The following AXDND1 variants were observed in gnomAD, a reference collection of about 807,000 sequenced individuals.
The protein encoded by AXDND1 is axonemal dynein light chain domain-containing protein 1.
AXDND1 carries 110 observed loss-of-function variants against 137.5 expected under a neutral mutation model. That is an observed-to-expected ratio of 0.80 (90% CI 0.69 to 0.94). The LOEUF (loss-of-function observed/expected upper bound fraction) is 0.94, where lower values mean the gene tolerates loss of function less well. Among genes scored for constraint, AXDND1 ranks in the 40% least tolerant of loss-of-function variants. The pLI, the probability that AXDND1 is intolerant of heterozygous loss-of-function variation, is 0.00. For synonymous variants in AXDND1, 414 were observed against 399.7 expected (o/e 1.04, Z -0.43); for missense variants, 1,191 against 1,169.8 (o/e 1.02, Z -0.26).
intron 15 of AXDND1, among the ~76,000 whole-genome samples, chr1:179,434,223 C>G (rs950277431): frequency 6.6e-6 from 1 of 151,624 alleles, no homozygotes; most frequent in African/African-American, 2.4e-5. Flanking sequence ...ACCTACCAAC[C>G]AAAAAAAGCC....
chr1:179,447,643 A>G, intron 16 of AXDND1: 1 of 1,306,542 alleles, frequency 7.7e-7, no homozygotes, highest in Non-Finnish European at 1.1e-6. Context: ...GACAACTCGA[A>G]GATCTGGTTT....
chr1:179,423,889 G>A (rs1428390273), intron 12 of AXDND1, among the ~76,000 whole-genome samples: 17 of 152,080 alleles, frequency 1.1e-4, no homozygotes. Context: ...ACACACTACA[G>A]TTACAGTATT....
intron 23 of AXDND1, among the ~76,000 whole-genome samples, chr1:179,531,583 G>A (rs1671039993): frequency 6.6e-6 from 1 of 152,076 alleles, no homozygotes; most frequent in Non-Finnish European, 1.5e-5. Flanking sequence ...GGGCCTAATT[G>A]TGCTATTCTA....
chr1:179,372,393 A>G (rs1289819071), intron 4 of AXDND1, among the ~76,000 whole-genome samples: 1 of 152,224 alleles, frequency 6.6e-6, no homozygotes, highest in African/African-American at 2.4e-5. Context: ...ACAGGGTGAC[A>G]TTGACATCTT....
chr1:179,367,654 T>G lies in AXDND1; in HGVS notation c.97+1048T>G, dbSNP rs543532260. Reference sequence around the variant, plus strand: ...CGGCAGGCTGAGGCAGGAGAATCACTTGAACCCGGGAGGCAGAGGTTGCAG... The same window carrying G: ...CGGCAGGCTGAGGCAGGAGAATCACGTGAACCCGGGAGGCAGAGGTTGCAG... On this transcript the variant is annotated intron_variant, in intron 2 of 25. Transcript: ENST00000367618. Among the ~76,000 whole-genome samples the G allele has an allele frequency of 2.5e-4, 38 of 152,238 alleles. 1 individual carries two copies. Among genetic ancestry groups the G allele is most frequent in the Admixed American group, 1.8e-3 (28 of 15,296 alleles).
chr1:179,369,881 A>G, intron 3 of AXDND1, 94 bp from the exon 4 acceptor site: 1 of 868,022 alleles, frequency 1.2e-6, no homozygotes. Flanking sequence ...AAGTGCCCTT[A>G]ATGTAAATAC....
At chr1:179,429,650 A>G in intron 13 of AXDND1, 31 bp downstream of exon 13, 4 of 1,358,336 alleles carry the variant, frequency 2.9e-6, no homozygotes, top group Non-Finnish European at 4.0e-6. Flanking sequence ...GTTATGGGAA[A>G]AAAAGATGCC....
Position 179,430,562 on chromosome 1 carries a change from G to A in AXDND1, c.1443G>A (p.Leu481=), listed in dbSNP as rs779451991. 5.6e-6 allele frequency: 9 copies of A among 1,613,766 alleles called. No individual in the cohort carries two copies. Among genetic ancestry groups the A allele is most frequent in the African/African-American group, 5.3e-5 (4 of 74,914 alleles). Residue 481 remains leucine (L), a synonymous_variant, in exon 14 of 26, where the codon CTG becomes CTA. Coordinates refer to ENST00000367618, the MANE Select transcript of AXDND1 (RefSeq NM_144696.6). ...EQMEESTSET[L]KIVKDGLIKW... is the part of the protein sequence containing the mutation. ...TGGAAGAGTCTACAAGCGAGACACT[G>A]AAAATTGTTAAGGATGGGCTTATCA...
At chr1:179,388,753 AT>A (rs34937470) in intron 9 of AXDND1, among the ~76,000 whole-genome samples, 40,918 of 139,054 alleles carry the variant, frequency 0.29, 5,700 homozygotes, top group Non-Finnish European at 0.32. Flanking sequence ...ATGCCTGGCT[AT>A]TTTTTTTTTT....
intron 25 of AXDND1, among the ~76,000 whole-genome samples, chr1:179,537,492 C>T (rs6665833): frequency 0.48 from 73,177 of 151,984 alleles, 18,081 homozygotes; most frequent in East Asian, 0.56. Context: ...TGATGGATTA[C>T]GTTTATTGAT....
chr1:179,508,395 T>C (rs1235004066), intron 20 of AXDND1, among the ~76,000 whole-genome samples: 1 of 151,940 alleles, frequency 6.6e-6, no homozygotes, highest in Non-Finnish European at 1.5e-5. Context: ...CTCATTGTGG[T>C]TGATTTCAGG....
intron 9 of AXDND1, among the ~76,000 whole-genome samples, chr1:179,393,123 C>T (rs959461221): frequency 6.6e-6 from 1 of 152,022 alleles, no homozygotes; most frequent in Non-Finnish European, 1.5e-5. Flanking sequence ...GTCTTTGATC[C>T]ATCTTGAGTT....
chr1:179,448,292 G>T lies in AXDND1; in HGVS notation c.1798+3088G>T, dbSNP rs530058498. ...CCATATCAGTGCTAGCATATTGAAA[G>T]AGTTTGTTAGAGCTGTTGAAAATGC... is the stretch of plus-strand genomic sequence containing the variant. On this transcript the variant is annotated intron_variant, in intron 16 of 25. Coordinates refer to ENST00000367618, the MANE Select transcript of AXDND1 (RefSeq NM_144696.6). 12 of 765,596 alleles carry T rather than the reference G, an allele frequency of 1.6e-5. No homozygotes were observed. The Admixed American group carries it at 1.9e-4, about 12-fold the overall frequency. The allele number at this position is 765,596 out of a possible 1,614,324, so 47.4% of individuals were successfully genotyped here. A position where few individuals can be genotyped will look rare whatever the true frequency, so the allele number is the denominator to read the frequency against.
intron 17 of AXDND1, 59 bp from the exon 18 acceptor site, chr1:179,483,069 A>G: frequency 8.9e-7 from 1 of 1,118,938 alleles, no homozygotes; most frequent in Non-Finnish European, 1.3e-6. Flanking sequence ...CATAGCTGAT[A>G]GTTACATTTA....
Position 179,379,398 on chromosome 1 carries a change from C to G in AXDND1, c.497C>G (p.Pro166Arg). Reference sequence around the variant, plus strand: ...ATTTTGCTTTTCTTTTCTTTTAAGCCAAAGACACTAACAGATACTTTGATT... The same window carrying G: ...ATTTTGCTTTTCTTTTCTTTTAAGCGAAAGACACTAACAGATACTTTGATT... Reference protein sequence around the residue: ...SHDGVIVPHKPKTLTDTLIPE... With the variant: ...SHDGVIVPHKRKTLTDTLIPE... Residue 166 changes from proline (P) to arginine (R), a missense_variant and splice_region_variant, in exon 6 of 26, where the codon CCA (proline) becomes CGA (arginine). By Grantham distance (103) the Pro-to-Arg change is moderately radical. Coordinates refer to ENST00000367618, the MANE Select transcript of AXDND1 (RefSeq NM_144696.6). 1 of 1,612,142 alleles carries G rather than the reference C, an allele frequency of 6.2e-7. No individual in the cohort carries two copies. Among genetic ancestry groups the G allele is most frequent in the African/African-American group, 1.3e-5 (1 of 74,854 alleles).
chr1:179,538,733 G>A (rs1420370144), intron 25 of AXDND1, among the ~76,000 whole-genome samples: 1 of 152,112 alleles, frequency 6.6e-6, no homozygotes, highest in Non-Finnish European at 1.5e-5. Context: ...CTGAGTTCAA[G>A]TCCTGGATAT....
chr1:179,421,611 T>A (rs1268952796), intron 12 of AXDND1, among the ~76,000 whole-genome samples: 1 of 151,398 alleles, frequency 6.6e-6, no homozygotes, highest in East Asian at 2.0e-4. Flanking sequence ...CTTAAACTCC[T>A]GGCCTAAAGT....
intron 23 of AXDND1, among the ~76,000 whole-genome samples, chr1:179,531,589 T>C (rs1671040780): frequency 6.6e-6 from 1 of 152,122 alleles, no homozygotes; most frequent in Non-Finnish European, 1.5e-5. Context: ...AATTGTGCTA[T>C]TCTAGTAGGG....
chr1:179,383,312 TA>T (rs1321866706), intron 7 of AXDND1, 129 bp from the exon 8 acceptor site: 4 of 674,746 alleles, frequency 5.9e-6, no homozygotes, highest in African/African-American at 5.4e-5. Context: ...GACACAGGTC[TA>T]ATGCTTAAAA....
Sources: gnomAD v4.1 joint callset for allele counts (sites outside exome capture counted in the v4.1 genomes callset) on GRCh38, gnomAD v4.1.1 for gene constraint, MANE v1.5 for transcripts, NCBI Gene and HGNC (gene_info 2026-07-23, HGNC 2026-07-21) for gene names.